The following STAG1 variants were observed in gnomAD, a reference collection of about 807,000 sequenced individuals.
STAG1 encodes the protein cohesin subunit SA-1.
A neutral mutation model predicts 170.9 loss-of-function variants in STAG1; 26 were observed. The ratio of observed to expected loss-of-function variants is 0.15; its 90% confidence interval spans 0.11 to 0.21. The LOEUF (loss-of-function observed/expected upper bound fraction) is 0.21, where lower values mean the gene tolerates loss of function less well. STAG1 is among the 10% of genes least tolerant of loss of function. STAG1 has a pLI of 1.00. For synonymous variants in STAG1, 514 were observed against 497.7 expected (o/e 1.03, Z -0.44); for missense variants, 964 against 1,509.5 (o/e 0.64, Z 5.99).
chr3:136,650,319 A>T (rs1315977222), intron 1 of STAG1, among the ~76,000 whole-genome samples: 1 of 152,112 alleles, frequency 6.6e-6, no homozygotes, highest in African/African-American at 2.4e-5. Flanking sequence ...AAAAATAAAA[A>T]TGTATCAACT....
chr3:136,578,903 T>G (rs1937535643), intron 4 of STAG1, among the ~76,000 whole-genome samples: 1 of 152,204 alleles, frequency 6.6e-6, no homozygotes, highest in African/African-American at 2.4e-5. Context: ...CCTACACGAT[T>G]AAGGTCATTA....
intron 20 of STAG1, among the ~76,000 whole-genome samples, chr3:136,419,312 A>T (rs920232025): frequency 3.3e-5 from 5 of 152,318 alleles, no homozygotes; most frequent in Middle Eastern, 6.8e-3. Flanking sequence ...TGAAGTACTG[A>T]TTAGTGCAAA....
chr3:136,514,340 T>C (rs1284321400), intron 7 of STAG1, among the ~76,000 whole-genome samples: 2 of 152,078 alleles, frequency 1.3e-5, no homozygotes, highest in African/African-American at 4.8e-5. Context: ...ATCGGAGAAA[T>C]GCAAATCAAA....
intron 9 of STAG1, among the ~76,000 whole-genome samples, chr3:136,491,249 C>T (rs1010980154): frequency 6.6e-6 from 1 of 152,120 alleles, no homozygotes; most frequent in Non-Finnish European, 1.5e-5. Context: ...TCCTGTGTAG[C>T]TGGGACTACA....
At position 136,413,148 on chromosome 3, in the gene STAG1, G is replaced by A. The variant is rs549135771; in HGVS notation, c.2196+4737C>T. ...CAAAGTGCTGGGATTGCAAGTGTGA[G>A]CCACCTTGCCTGGCCTAATATATAT... On this transcript the variant is annotated intron_variant, in intron 21 of 33. Coordinates refer to ENST00000383202, the MANE Select transcript of STAG1 (RefSeq NM_005862.3). Among the ~76,000 whole-genome samples the A allele has an allele frequency of 2.0e-5, 3 of 149,990 alleles. No individual in the cohort carries two copies. In the East Asian group the frequency reaches 5.8e-4, roughly 29 times the overall value.
intron 1 of STAG1, among the ~76,000 whole-genome samples, chr3:136,699,931 G>A (rs1344941281): frequency 6.6e-6 from 1 of 151,858 alleles, no homozygotes. Flanking sequence ...ATACATCCGA[G>A]GAAATACAAA....
At chr3:136,644,022 T>C (rs1049386271) in intron 1 of STAG1, among the ~76,000 whole-genome samples, 2 of 152,180 alleles carry the variant, frequency 1.3e-5, no homozygotes, top group Non-Finnish European at 2.9e-5. Context: ...GCTAAATTTG[T>C]ACAGACCATA....
chr3:136,668,434 ATAT>A (rs1406429734), intron 1 of STAG1, among the ~76,000 whole-genome samples: 3 of 146,730 alleles, frequency 2.0e-5, no homozygotes, highest in Admixed American at 6.9e-5. Flanking sequence ...TAACATTTAT[ATAT>A]TATATTTATA....
intron 15 of STAG1, among the ~76,000 whole-genome samples, chr3:136,439,821 C>T (rs537731562): frequency 1.3e-5 from 2 of 152,168 alleles, no homozygotes; most frequent in African/African-American, 4.8e-5. Flanking sequence ...TACCTAGATT[C>T]GATCAGTGAA....
intron 4 of STAG1, among the ~76,000 whole-genome samples, chr3:136,602,035 TG>T (rs1256581021): frequency 1.3e-5 from 2 of 152,130 alleles, no homozygotes; most frequent in Non-Finnish European, 2.9e-5. Flanking sequence ...ACAATATGCA[TG>T]AAAATTATTT....
chr3:136,689,737 G>A (rs972494346), intron 1 of STAG1, among the ~76,000 whole-genome samples: 1 of 152,052 alleles, frequency 6.6e-6, no homozygotes, highest in African/African-American at 2.4e-5. Context: ...GTGGTTTCCT[G>A]TAGCCTCAAG....
At position 136,551,253 on chromosome 3, in the gene STAG1, GA is replaced by G. The variant is rs1559874399; in HGVS notation, c.395-9059del. ...AGAGAGAGAGAGAGAGAGAGAGAGA[GA>G]GAGAGAGGGAGAGCGAGAGAGCGTG... On this transcript the variant is annotated intron_variant, in intron 5 of 33. Transcript: ENST00000383202. Among the ~76,000 whole-genome samples the G allele has an allele frequency of 1.4e-4, 20 of 144,402 alleles. No individual in the cohort carries two copies. The East Asian group carries it at 2.0e-3, about 15-fold the overall frequency. The allele number at this position is 144,402 out of a possible 152,430, so 94.7% of individuals were successfully genotyped here.
At chr3:136,418,843 G>A (rs113725297) in intron 20 of STAG1, among the ~76,000 whole-genome samples, 9 of 152,128 alleles carry the variant, frequency 5.9e-5, no homozygotes, top group African/African-American at 1.9e-4. Flanking sequence ...GTTTCACTAT[G>A]TTGGCCAGGC....
At chr3:136,747,311 A>G (rs923662672) in intron 1 of STAG1, among the ~76,000 whole-genome samples, 13 of 151,108 alleles carry the variant, frequency 8.6e-5, no homozygotes, top group African/African-American at 2.7e-4. Context: ...AAAAGCTGCT[A>G]GACCAATCAC....
chr3:136,486,141 C>G (rs1403543946), intron 9 of STAG1, among the ~76,000 whole-genome samples: 2 of 152,150 alleles, frequency 1.3e-5, no homozygotes, highest in East Asian at 3.9e-4. Flanking sequence ...ATGTAGTAGG[C>G]AAGTAAGTAT....
intron 1 of STAG1, among the ~76,000 whole-genome samples, chr3:136,695,945 G>C (rs1942875542): frequency 6.6e-6 from 1 of 152,086 alleles, no homozygotes; most frequent in Non-Finnish European, 1.5e-5. Context: ...TATGTCAAAA[G>C]CAAATAAAGC....
intron 7 of STAG1, among the ~76,000 whole-genome samples, chr3:136,503,989 G>C (rs187725276): frequency 1.3e-5 from 2 of 152,162 alleles, no homozygotes; most frequent in Non-Finnish European, 1.5e-5. Flanking sequence ...CGCCCACCTT[G>C]GCCTCCCAAA....
At chr3:136,369,003 A>T in intron 24 of STAG1, 105 bp downstream of exon 24, 2 of 1,161,004 alleles carry the variant, frequency 1.7e-6, no homozygotes, top group Non-Finnish European at 2.3e-6. Flanking sequence ...CTTTTTTAAA[A>T]GAAAGAAATC....
chr3:136,746,415 A>G (rs1484781434), intron 1 of STAG1, among the ~76,000 whole-genome samples: 1 of 151,994 alleles, frequency 6.6e-6, no homozygotes, highest in Non-Finnish European at 1.5e-5. Context: ...AAAATAAACT[A>G]ATTATAAATG....
Sources: gnomAD v4.1 joint callset for allele counts (sites outside exome capture counted in the v4.1 genomes callset) on GRCh38, gnomAD v4.1.1 for gene constraint, MANE v1.5 for transcripts, NCBI Gene and HGNC (gene_info 2026-07-23, HGNC 2026-07-21) for gene names.